The following MBTD1 variants were observed in gnomAD, a reference collection of about 807,000 sequenced individuals.
The protein encoded by MBTD1 is mbt domain containing 1.
In MBTD1, 24 loss-of-function variants were observed where a neutral mutation model predicts 87.8. The observed-to-expected ratio is 0.27, with a 90% CI of 0.20 to 0.38. The LOEUF is 0.38. Among genes scored for constraint, MBTD1 ranks in the 10% least tolerant of loss-of-function variants. The pLI, the probability that MBTD1 is intolerant of heterozygous loss-of-function variation, is 1.00. For missense variants in MBTD1, 436 were observed against 760.2 expected (o/e 0.57, Z 5.02); for synonymous variants, 237 against 248.6 (o/e 0.95, Z 0.44).
At chr17:51,204,248 C>T (rs552497460) in intron 7 of MBTD1, among the ~76,000 whole-genome samples, 2 of 151,904 alleles carry the variant, frequency 1.3e-5, no homozygotes, top group African/African-American at 4.8e-5. Flanking sequence ...TCAATTGTAC[C>T]CATAATTTCT....
At chr17:51,260,599 G>C (rs199741654), upstream of MBTD1, 3 of 1,612,404 alleles carry the variant, frequency 1.9e-6, no homozygotes, top group East Asian at 4.5e-5. Flanking sequence ...CGCCGGAGCG[G>C]AGGAGACGAA....
intron 2 of MBTD1, among the ~76,000 whole-genome samples, chr17:51,247,558 C>T (rs2054520783): frequency 6.6e-6 from 1 of 151,596 alleles, no homozygotes; most frequent in Non-Finnish European, 1.5e-5. Flanking sequence ...AAGTGATCCT[C>T]CCACCCCAGC....
At position 51,202,174 on chromosome 17, in the gene MBTD1, A is replaced by G. The variant is rs576597255; in HGVS notation, c.1064-97T>C. 45 of 733,330 alleles carry G rather than the reference A, an allele frequency of 6.1e-5. No homozygotes were observed. The African/African-American group carries it at 7.2e-4, about 12-fold the overall frequency. 45.4% of individuals were successfully genotyped at this position (733,330 alleles called of 1,614,324 possible). A position where few individuals can be genotyped will look rare whatever the true frequency, so the allele number is the denominator to read the frequency against. On this transcript the variant is annotated intron_variant, in intron 10 of 16. Coordinates refer to ENST00000586178, the MANE Select transcript of MBTD1 (RefSeq NM_017643.3). ...TCAAACTCACAAAGTATGTCATACT[A>G]TAAAACATGGCAAGAAGACATGCCT...
intron 16 of MBTD1, among the ~76,000 whole-genome samples, chr17:51,188,600 C>G (rs562009583): frequency 6.6e-6 from 1 of 152,238 alleles, no homozygotes; most frequent in East Asian, 1.9e-4. Context: ...ACCCCAAATA[C>G]TTATTTGTGT....
chr17:51,255,583 A>G (rs1472328269), intron 2 of MBTD1, among the ~76,000 whole-genome samples: 1 of 151,688 alleles, frequency 6.6e-6, no homozygotes, highest in Non-Finnish European at 1.5e-5. Flanking sequence ...ATAGATGATG[A>G]TAACCTTTTT....
In MBTD1 at chr17:51,225,187, T is replaced by C; in HGVS notation, c.-26A>G. The C allele has an allele frequency of 6.6e-7, 1 of 1,524,608 alleles. No homozygotes were observed. The highest frequency in any genetic ancestry group is 2.1e-5 in the Admixed American group (1 of 47,200). 94.4% of individuals were successfully genotyped at this position (1,524,608 alleles called of 1,614,324 possible). A position where few individuals can be genotyped will look rare whatever the true frequency, so the allele number is the denominator to read the frequency against. On this transcript the variant is annotated 5_prime_UTR_variant, in exon 3 of 17. Transcript: ENST00000586178. ...CCCGAAAGAATCTCTTCTTTTCCTT[T>C]CAGATCGTGAAGAATGTTCAGTCTT...
chr17:51,257,883 T>C (rs527581475), intron 2 of MBTD1, among the ~76,000 whole-genome samples: 1 of 152,160 alleles, frequency 6.6e-6, no homozygotes, highest in African/African-American at 2.4e-5. Context: ...CGCAACAACG[T>C]AAGGCACTAT....
At chr17:51,186,815 T>A (rs1378224697) in intron 16 of MBTD1, among the ~76,000 whole-genome samples, 1 of 150,752 alleles carries the variant, frequency 6.6e-6, no homozygotes, top group Non-Finnish European at 1.5e-5. Flanking sequence ...AAAGAACAGC[T>A]GAACAGCTGG....
intron 6 of MBTD1, among the ~76,000 whole-genome samples, chr17:51,214,470 AT>A (rs1430537242): frequency 1.3e-5 from 2 of 152,162 alleles, no homozygotes; most frequent in Non-Finnish European, 2.9e-5. Context: ...GGAAAGAAGA[AT>A]TATATTCTTG....
chr17:51,244,593 A>T (rs1028145592), intron 2 of MBTD1, among the ~76,000 whole-genome samples: 5 of 152,134 alleles, frequency 3.3e-5, no homozygotes, highest in Admixed American at 6.5e-5. Flanking sequence ...TTTTTAGTAG[A>T]GGCAGGGTTT....
chr17:51,205,702 T>C (rs2051781614), intron 7 of MBTD1, among the ~76,000 whole-genome samples: 1 of 152,194 alleles, frequency 6.6e-6, no homozygotes, highest in Non-Finnish European at 1.5e-5. Context: ...AGAACTACAA[T>C]ACATCTGGCA....
At chr17:51,242,772 T>C (rs1304712961) in intron 2 of MBTD1, among the ~76,000 whole-genome samples, 2 of 152,228 alleles carry the variant, frequency 1.3e-5, no homozygotes, top group Middle Eastern at 3.2e-3. Flanking sequence ...TGTGTACATT[T>C]TGAAAAAGTA....
At chr17:51,208,515 G>C (rs1046452317) in intron 6 of MBTD1, among the ~76,000 whole-genome samples, 1 of 152,200 alleles carries the variant, frequency 6.6e-6, no homozygotes, top group African/African-American at 2.4e-5. Flanking sequence ...ACACTAGAAA[G>C]AAGACAGGTA....
chr17:51,189,075 A>G (rs2050682339), intron 16 of MBTD1, among the ~76,000 whole-genome samples: 1 of 152,130 alleles, frequency 6.6e-6, no homozygotes, highest in Non-Finnish European at 1.5e-5. Context: ...GTTTTTTTAA[A>G]AAGAACTTTG....
In MBTD1 at chr17:51,203,997, A is replaced by C. The variant is rs188522943; in HGVS notation, c.605-72T>G. 293 of 1,249,890 alleles carry C rather than the reference A, an allele frequency of 2.3e-4. No individual in the cohort carries two copies. The African/African-American group carries it at 4.0e-3, about 17-fold the overall frequency. 77.4% of individuals were successfully genotyped at this position (1,249,890 alleles called of 1,614,324 possible). A position where few individuals can be genotyped will look rare whatever the true frequency, so the allele number is the denominator to read the frequency against. On this transcript the variant is annotated intron_variant, in intron 7 of 16. Coordinates refer to ENST00000586178, the MANE Select transcript of MBTD1 (RefSeq NM_017643.3). ...ATAAAACAATACAGCATCTGATAGC[A>C]GTTGTCAAACTAGTGTCTATCTGCA...
intron 2 of MBTD1, among the ~76,000 whole-genome samples, chr17:51,236,844 A>T (rs2053867154): frequency 6.6e-6 from 1 of 152,194 alleles, no homozygotes; most frequent in Non-Finnish European, 1.5e-5. Flanking sequence ...TACCACTTTG[A>T]TCCATACCTC....
In MBTD1 at chr17:51,180,182, T is replaced by TGAAA. The variant is rs2050250956; in HGVS notation, c.*393_*394insTTTC. 6.2e-6 allele frequency: 1 copy of TGAAA among 160,894 alleles called. No homozygotes were observed. The highest frequency in any genetic ancestry group is 1.3e-5 in the Non-Finnish European group (1 of 74,248). The allele number at this position is 160,894 out of a possible 1,614,324, so 10.0% of individuals were successfully genotyped here. On this transcript the variant is annotated 3_prime_UTR_variant, in exon 17 of 17. Transcript: ENST00000586178. The stretch of plus-strand genomic sequence containing the variant: ...AATCTCCCAACAGGTACCAAAAAGG[T>TGAAA]TCATTTGTAATGACAGTTCATTTGC...
At chr17:51,236,624 G>A (rs1472499251) in intron 2 of MBTD1, among the ~76,000 whole-genome samples, 1 of 152,182 alleles carries the variant, frequency 6.6e-6, no homozygotes, top group African/African-American at 2.4e-5. Flanking sequence ...ATGTGGCACA[G>A]TTCAATGGTG....
Position 51,259,822 on chromosome 17 carries a change from G to T in MBTD1, c.-113+13C>A. On this transcript the variant is annotated intron_variant, in intron 1 of 16. Coordinates refer to ENST00000586178, the MANE Select transcript of MBTD1 (RefSeq NM_017643.3). ...ACCTGGCACACAAAGCGGCTGCCGC[G>T]CTCGGCTCTCACCAGATCCTTTGTG... 2 of 1,232,474 alleles carry T rather than the reference G, an allele frequency of 1.6e-6. No individual in the cohort carries two copies. Among genetic ancestry groups the T allele is most frequent in the Non-Finnish European group, 2.0e-6 (2 of 988,336 alleles). 76.3% of individuals were successfully genotyped at this position (1,232,474 alleles called of 1,614,324 possible).
Sources: allele counts gnomAD v4.1 joint callset (sites outside exome capture counted in the v4.1 genomes callset), GRCh38; gene constraint gnomAD v4.1.1; transcripts MANE v1.5; gene names NCBI Gene and HGNC (gene_info 2026-07-23, HGNC 2026-07-21).